Variants in TMEM272 observed in about 807,000 individuals in gnomAD.
TMEM272 encodes long intergenic non-protein coding RNA 282.
In TMEM272, 8 loss-of-function variants were observed where a neutral mutation model predicts 3.7. The ratio of observed to expected loss-of-function variants is 2.17; its 90% CI spans 1.27 to 3.91. The LOEUF (loss-of-function observed/expected upper bound fraction) is 3.91, where lower values mean the gene tolerates loss of function less well. Among genes scored for constraint, TMEM272 ranks in the 30% most tolerant of loss-of-function variants. The pLI, the probability that TMEM272 is intolerant of heterozygous loss-of-function variation, is 0.00. For synonymous variants in TMEM272, 63 were observed against 39.8 expected, an observed-to-expected ratio of 1.58 and a Z score of -2.20; for missense variants, 166 against 91.5, an observed-to-expected ratio of 1.81 and a Z score of -3.32.
chr13:51,886,682 A>G, the TMEM272 span, among the ~76,000 whole-genome samples: 3 of 152,216 alleles, frequency 2.0e-5, no homozygotes, highest in African/African-American at 7.2e-5. Flanking sequence ...ATCCATTACA[A>G]GCAAAGATTT....
the TMEM272 span, among the ~76,000 whole-genome samples, chr13:51,895,785 A>G: frequency 6.6e-5 from 10 of 152,222 alleles, 2 homozygotes; most frequent in Middle Eastern, 0.02. Flanking sequence ...AGTGTTCCCA[A>G]TGCGCCAAAT....
chr13:51,830,020 C>A (rs759429990), intron 2 of TMEM272, among the ~76,000 whole-genome samples: 2 of 152,198 alleles, frequency 1.3e-5, no homozygotes, highest in Non-Finnish European at 2.9e-5. Flanking sequence ...ACAAACAGAT[C>A]TTGTCAAAAT....
At chr13:51,883,468 G>A in the TMEM272 span, among the ~76,000 whole-genome samples, 1 of 152,218 alleles carries the variant, frequency 6.6e-6, no homozygotes, top group African/African-American at 2.4e-5. Context: ...CCTCAGCTGT[G>A]AGAGGGGGCC....
At chr13:51,853,643 C>A in the TMEM272 span, among the ~76,000 whole-genome samples, 1 of 152,038 alleles carries the variant, frequency 6.6e-6, no homozygotes, top group African/African-American at 2.4e-5. Context: ...TAATATATCC[C>A]TAATGGAATA....
rs1956026735 is a variant in TMEM272, at chr13:51,816,464, C to A, written c.*287G>T. 2 of 311,884 alleles carry A rather than the reference C, an allele frequency of 6.4e-6. No individual in the cohort carries two copies. The highest frequency in any genetic ancestry group is 1.2e-5 in the Non-Finnish European group (2 of 167,174). The allele number at this position is 311,884 out of a possible 1,614,324, so 19.3% of individuals were successfully genotyped here. On this transcript the variant is annotated 3_prime_UTR_variant, in exon 5 of 5. Coordinates refer to ENST00000629372, the MANE Select transcript of TMEM272 (RefSeq NM_001351003.2). ...ATTCTTTGCCTCCCACACTTCATACCCTCAAAAACAATTATCCCTTTGAAA... is the reference window on the plus strand; with the variant it reads ...ATTCTTTGCCTCCCACACTTCATACACTCAAAAACAATTATCCCTTTGAAA...
the TMEM272 span, chr13:51,910,293 G>T: frequency 2.8e-6 from 4 of 1,424,926 alleles, no homozygotes; most frequent in Non-Finnish European, 3.0e-6. Context: ...CTCTAAAGAT[G>T]ACTCTACTTC....
At chr13:51,912,057 A>T in the TMEM272 span, among the ~76,000 whole-genome samples, 1 of 151,484 alleles carries the variant, frequency 6.6e-6, no homozygotes, top group Non-Finnish European at 1.5e-5. Context: ...TCCCACCCTC[A>T]CCCTAGCCTT....
chr13:51,909,492 T>C, the TMEM272 span: 2 of 956,014 alleles, frequency 2.1e-6, no homozygotes, highest in South Asian at 1.3e-5. Flanking sequence ...TCTGTTGAAG[T>C]TTCTGATTCT....
the TMEM272 span, among the ~76,000 whole-genome samples, chr13:51,872,383 A>G: frequency 3.6e-5 from 5 of 137,818 alleles, no homozygotes; most frequent in African/African-American, 1.2e-4. Flanking sequence ...ACAAACATAG[A>G]TAGGGGAAGT....
the TMEM272 span, among the ~76,000 whole-genome samples, chr13:51,888,679 ACT>A: frequency 3.8e-5 from 4 of 105,922 alleles, no homozygotes; most frequent in African/African-American, 7.4e-5. Flanking sequence ...GGAGTCTCAC[ACT>A]GTCGCCCAGA....
chr13:51,919,461 T>C, the TMEM272 span, among the ~76,000 whole-genome samples: 3 of 152,186 alleles, frequency 2.0e-5, no homozygotes, highest in African/African-American at 4.8e-5. Context: ...CGATCTGAAC[T>C]TGGTATATAG....
chr13:51,886,608 T>C, the TMEM272 span, among the ~76,000 whole-genome samples: 179 of 152,340 alleles, frequency 1.2e-3, no homozygotes, highest in Middle Eastern at 3.4e-3. Context: ...TCTTTTTCTA[T>C]AGATAAAACA....
At chr13:51,892,147 C>G in the TMEM272 span, among the ~76,000 whole-genome samples, 1 of 152,154 alleles carries the variant, frequency 6.6e-6, no homozygotes, top group Non-Finnish European at 1.5e-5. Context: ...TCCTGTGGCA[C>G]CTGCTGACTG....
the TMEM272 span, chr13:51,930,531 A>T: frequency 6.6e-6 from 1 of 152,224 alleles, no homozygotes; most frequent in Non-Finnish European, 1.5e-5. Context: ...ATACTTTCCA[A>T]TACCAAATCA....
chr13:51,891,143 T>G, the TMEM272 span, among the ~76,000 whole-genome samples: 132,754 of 152,182 alleles, frequency 0.87, 59,040 homozygotes, highest in East Asian at 0.97. Flanking sequence ...CACAGCCCAG[T>G]GATCATTCAG....
At chr13:51,853,132 C>T in the TMEM272 span, among the ~76,000 whole-genome samples, 274 of 152,278 alleles carry the variant, frequency 1.8e-3, no homozygotes, top group African/African-American at 5.9e-3. Flanking sequence ...CCAGGCCAGG[C>T]GTGGTGGCTC....
chr13:51,903,892 C>T, the TMEM272 span, among the ~76,000 whole-genome samples: 2 of 151,474 alleles, frequency 1.3e-5, no homozygotes, highest in African/African-American at 4.9e-5. Context: ...AAAGTGTCTT[C>T]TCACACCTGC....
At chr13:51,833,307 T>A (rs1292921246) in intron 2 of TMEM272, among the ~76,000 whole-genome samples, 1 of 152,176 alleles carries the variant, frequency 6.6e-6, no homozygotes, top group Non-Finnish European at 1.5e-5. Context: ...GTATCTGGAT[T>A]TTATTAGGAA....
At chr13:51,899,601 T>C in the TMEM272 span, among the ~76,000 whole-genome samples, 1 of 152,168 alleles carries the variant, frequency 6.6e-6, no homozygotes, top group East Asian at 1.9e-4. Flanking sequence ...TTCAACACTA[T>C]CCTCTCAAAA....
Sources: allele counts gnomAD v4.1 joint callset (sites outside exome capture counted in the v4.1 genomes callset), GRCh38; gene constraint gnomAD v4.1.1; transcripts MANE v1.5; gene names NCBI Gene and HGNC (gene_info 2026-07-23, HGNC 2026-07-21).